The following ZBTB38 variants were observed in gnomAD, a reference collection of about 807,000 sequenced individuals.
ZBTB38 encodes the protein zinc finger and BTB domain containing 38, also known as zinc finger and BTB domain-containing protein 38.
Under a neutral mutation model 76.8 loss-of-function variants are expected in ZBTB38, and 20 were observed. The ratio of observed to expected loss-of-function variants is 0.26; its 90% CI spans 0.18 to 0.38. The LOEUF is 0.38. Ranked by LOEUF, ZBTB38 falls within the 10% of genes least tolerant of loss-of-function variation. ZBTB38 has a pLI of 1.00. For synonymous variants in ZBTB38, 504 were observed against 544.2 expected, an observed-to-expected ratio of 0.93 and a Z score of 1.03; for missense variants, 1,082 against 1,482.3, an observed-to-expected ratio of 0.73 and a Z score of 4.43.
At chr3:141,380,364 G>A (rs770107614) in intron 2 of ZBTB38, among the ~76,000 whole-genome samples, 9 of 152,196 alleles carry the variant, frequency 5.9e-5, no homozygotes, top group Non-Finnish European at 1.0e-4. Context: ...TTTACACAAA[G>A]CACTGTGGTC....
At chr3:141,337,754 C>T (rs1245701520) in intron 1 of ZBTB38, among the ~76,000 whole-genome samples, 1 of 152,172 alleles carries the variant, frequency 6.6e-6, no homozygotes, top group Non-Finnish European at 1.5e-5. Flanking sequence ...TATGAGGCAC[C>T]TTCATCCCTT....
At chr3:141,376,003 C>A (rs1258302235) in intron 2 of ZBTB38, among the ~76,000 whole-genome samples, 1 of 152,156 alleles carries the variant, frequency 6.6e-6, no homozygotes, top group Non-Finnish European at 1.5e-5. Context: ...CAACAAAAAA[C>A]CATTTTCTTT....
chr3:141,394,004 CTTTCTTTTCTTTCTT>C (rs1419364025), intron 4 of ZBTB38, among the ~76,000 whole-genome samples: 1 of 129,116 alleles, frequency 7.7e-6, no homozygotes, highest in African/African-American at 3.6e-5. Flanking sequence ...TTTTTTCTTT[CTTTCTTTTCTTTCTT>C]TTTTTTTTTT....
intron 5 of ZBTB38, among the ~76,000 whole-genome samples, chr3:141,429,460 G>T (rs1233089949): frequency 6.6e-6 from 1 of 152,146 alleles, no homozygotes; most frequent in Non-Finnish European, 1.5e-5. Context: ...TAGTCGGGGT[G>T]AGCCTGGTTT....
At chr3:141,376,586 C>T (rs1945384188) in intron 2 of ZBTB38, among the ~76,000 whole-genome samples, 1 of 152,306 alleles carries the variant, frequency 6.6e-6, no homozygotes, top group South Asian at 2.1e-4. Flanking sequence ...TCCAAGAATG[C>T]CTGGGCCGGT....
intron 1 of ZBTB38, among the ~76,000 whole-genome samples, chr3:141,349,871 T>C (rs1380486188): frequency 1.3e-5 from 2 of 151,980 alleles, no homozygotes; most frequent in Non-Finnish European, 2.9e-5. Context: ...AGATATTGCA[T>C]CATAAAAGAA....
intron 5 of ZBTB38, among the ~76,000 whole-genome samples, chr3:141,410,784 C>A (rs1192769649): frequency 6.6e-6 from 1 of 152,168 alleles, no homozygotes; most frequent in Non-Finnish European, 1.5e-5. Context: ...AATGAAAATT[C>A]CTAAGCTGTA....
At chr3:141,417,363 C>T (rs1176577170) in intron 5 of ZBTB38, among the ~76,000 whole-genome samples, 2 of 152,174 alleles carry the variant, frequency 1.3e-5, no homozygotes, top group Non-Finnish European at 1.5e-5. Context: ...TTTCCTCAGG[C>T]TTCTCAGAGG....
chr3:141,418,003 A>T (rs572419222), intron 5 of ZBTB38, among the ~76,000 whole-genome samples: 1 of 151,962 alleles, frequency 6.6e-6, no homozygotes, highest in East Asian at 1.9e-4. Flanking sequence ...ACAGAGCGAG[A>T]CTCATCTCAA....
At chr3:141,425,225 A>G (rs564167222) in intron 5 of ZBTB38, among the ~76,000 whole-genome samples, 8 of 152,292 alleles carry the variant, frequency 5.3e-5, no homozygotes, top group African/African-American at 9.6e-5. Flanking sequence ...AAGAGTAACA[A>G]TGCTTTGCGA....
In ZBTB38 at chr3:141,442,850, A is replaced by G; in HGVS notation, c.462A>G (p.Glu154=). The change falls in exon 6 of 6, where the codon GAA becomes GAG. Residue 154 remains glutamate (E), a synonymous_variant. Coordinates refer to ENST00000321464, the MANE Select transcript of ZBTB38 (RefSeq NM_001376113.1). This position sits in a 1 kb window ranked among gnomAD's most constrained non-coding sequence, Gnocchi z 6.4. ...VKEEKNEKRH[E]EPAITNGPRI... ...AAGAAAAAAATGAAAAAAGGCATGA[A>G]GAACCAGCCATCACTAATGGGCCAA... 1 of 1,614,252 alleles carries G rather than the reference A, an allele frequency of 6.2e-7. No individual in the cohort carries two copies. The highest frequency in any genetic ancestry group is 8.5e-7 in the Non-Finnish European group (1 of 1,180,042).
chr3:141,377,962 T>C (rs1303670536), intron 2 of ZBTB38, among the ~76,000 whole-genome samples: 2 of 151,696 alleles, frequency 1.3e-5, no homozygotes, highest in South Asian at 2.1e-4. Context: ...GAGGCAGGAG[T>C]GCCCAGGAGT....
chr3:141,365,838 C>G (rs1943950066), upstream of ZBTB38, among the ~76,000 whole-genome samples: 1 of 151,950 alleles, frequency 6.6e-6, no homozygotes, highest in Admixed American at 6.6e-5. Context: ...TACACTAAAA[C>G]CCATTGAATT....
At chr3:141,345,244 G>A (rs1943314583) in intron 1 of ZBTB38, among the ~76,000 whole-genome samples, 1 of 152,116 alleles carries the variant, frequency 6.6e-6, no homozygotes, top group Non-Finnish European at 1.5e-5. Flanking sequence ...GGAAAGGGAG[G>A]CACAGTGTTC....
intron 1 of ZBTB38, among the ~76,000 whole-genome samples, chr3:141,353,886 T>A (rs1943586509): frequency 6.6e-6 from 1 of 152,138 alleles, no homozygotes; most frequent in Non-Finnish European, 1.5e-5. Context: ...ACACTCTAGT[T>A]GTTCCTCCGG....
intron 1 of ZBTB38, among the ~76,000 whole-genome samples, chr3:141,332,863 G>T (rs1054016553): frequency 2.0e-5 from 3 of 152,162 alleles, no homozygotes; most frequent in African/African-American, 7.2e-5. Flanking sequence ...ACACCTAATT[G>T]ATAAACTAGG....
At chr3:141,374,566 C>T (rs759368791) in intron 2 of ZBTB38, among the ~76,000 whole-genome samples, 37 of 152,010 alleles carry the variant, frequency 2.4e-4, no homozygotes, top group Non-Finnish European at 4.9e-4. Flanking sequence ...CTCACCCCAA[C>T]CCCACCCCAT....
At chr3:141,357,105 T>G (rs1357589303) in intron 1 of ZBTB38, among the ~76,000 whole-genome samples, 1 of 152,266 alleles carries the variant, frequency 6.6e-6, no homozygotes, top group Admixed American at 6.5e-5. Flanking sequence ...ATATTCTTAA[T>G]CTTTTCCATG....
chr3:141,337,997 C>A (rs992181609), intron 1 of ZBTB38, among the ~76,000 whole-genome samples: 4 of 152,088 alleles, frequency 2.6e-5, no homozygotes, highest in African/African-American at 9.7e-5. Context: ...ACTAAGAATA[C>A]ATCAGTAAAC....
Sources: allele counts gnomAD v4.1 joint callset (sites outside exome capture counted in the v4.1 genomes callset), GRCh38; gene constraint gnomAD v4.1.1; non-coding constraint Gnocchi (gnomAD v3.1); transcripts MANE v1.5; gene names NCBI Gene and HGNC (gene_info 2026-07-23, HGNC 2026-07-21).